Variants in NHS observed in about 807,000 individuals in gnomAD.
The protein encoded by NHS is NHS actin remodeling regulator.
In NHS, 5 loss-of-function variants were observed where a neutral mutation model predicts 72.5. That is an observed-to-expected ratio of 0.07 (90% CI 0.04 to 0.14). NHS has a LOEUF of 0.14. NHS is among the 10% of genes least tolerant of loss of function. The pLI, the probability that NHS is intolerant of heterozygous loss-of-function variation, is 1.00. For missense variants in NHS, 1,072 were observed against 1,355.7 expected (o/e 0.79, Z 3.29); for synonymous variants, 464 against 547.7 (o/e 0.85, Z 2.13).
At chrX:17,661,909 C>G (rs2065984492) in intron 1 of NHS, among the ~76,000 whole-genome samples, 1 of 111,971 alleles carries the variant, frequency 8.9e-6, no homozygotes, top group African/African-American at 3.3e-5. Context: ...ACTCACCTTG[C>G]CTCAACTCAG....
intron 1 of NHS, among the ~76,000 whole-genome samples, chrX:17,525,049 TCTGA>T (rs1273074869): frequency 8.9e-6 from 1 of 112,414 alleles, no homozygotes; most frequent in African/African-American, 3.2e-5. Context: ...CTCCTTGGAC[TCTGA>T]CTGACAGCTC....
chrX:17,559,970 C>A (rs2065404051), intron 1 of NHS, among the ~76,000 whole-genome samples: 1 of 111,700 alleles, frequency 9.0e-6, no homozygotes, highest in Non-Finnish European at 1.9e-5. Flanking sequence ...ACTCTTTACC[C>A]TGGAATCCTT....
intron 3 of NHS, among the ~76,000 whole-genome samples, chrX:17,711,733 A>G (rs2066330130): frequency 8.9e-6 from 1 of 111,734 alleles, no homozygotes; most frequent in African/African-American, 3.3e-5. Flanking sequence ...GTGAATGAGC[A>G]TGTACTCTTT....
chrX:17,447,056 TG>T (rs2064784445), intron 1 of NHS, among the ~76,000 whole-genome samples: 1 of 112,298 alleles, frequency 8.9e-6, no homozygotes, highest in African/African-American at 3.2e-5. Context: ...CGCATTTGAC[TG>T]CACCTGGCTT....
At chrX:17,715,892 A>G (rs938541843) in intron 3 of NHS, among the ~76,000 whole-genome samples, 1 of 111,611 alleles carries the variant, frequency 9.0e-6, no homozygotes, top group African/African-American at 3.3e-5. Flanking sequence ...TTAATATTAT[A>G]AACTTAAATA....
At chrX:17,440,060 G>A (rs1031391832) in intron 1 of NHS, among the ~76,000 whole-genome samples, 1 of 109,746 alleles carries the variant, frequency 9.1e-6, no homozygotes, top group Non-Finnish European at 1.9e-5. Context: ...AGGAGTTCGA[G>A]ACCAGCCTGG....
intron 1 of NHS, among the ~76,000 whole-genome samples, chrX:17,664,994 C>A (rs1041721790): frequency 1.4e-3 from 156 of 109,948 alleles, no homozygotes; most frequent in Non-Finnish European, 2.5e-3. Context: ...TCATTTCATT[C>A]TCTAATTTTT....
intron 1 of NHS, chrX:17,585,956 C>T (rs1017034934): frequency 1.8e-5 from 2 of 110,180 alleles, no homozygotes; most frequent in East Asian, 2.8e-4. Context: ...AGAAGAACCT[C>T]GAAGTCATCT....
At chrX:17,671,880 C>A (rs943896949) in intron 1 of NHS, among the ~76,000 whole-genome samples, 1 of 112,014 alleles carries the variant, frequency 8.9e-6, no homozygotes, top group African/African-American at 3.3e-5. Context: ...ATAAAAGCAT[C>A]CATTGACATG....
intron 1 of NHS, among the ~76,000 whole-genome samples, chrX:17,457,660 C>T (rs1221336213): frequency 8.9e-6 from 1 of 111,937 alleles, no homozygotes; most frequent in Non-Finnish European, 1.9e-5. Context: ...AATCCATAGC[C>T]AGCAGACCAG....
intron 1 of NHS, among the ~76,000 whole-genome samples, chrX:17,656,699 T>A (rs1269725307): frequency 1.8e-5 from 2 of 112,466 alleles, no homozygotes; most frequent in African/African-American, 6.5e-5. Context: ...CCTACCCTGA[T>A]CCCGGGTTCT....
chrX:17,467,275 CT>C (rs2064874774), intron 1 of NHS, among the ~76,000 whole-genome samples: 1 of 112,289 alleles, frequency 8.9e-6, no homozygotes, highest in African/African-American at 3.2e-5. Flanking sequence ...CAGAAATGTA[CT>C]TTTACTTACT....
At chrX:17,570,993 A>G (rs139113159) in intron 1 of NHS, among the ~76,000 whole-genome samples, 2 of 112,159 alleles carry the variant, frequency 1.8e-5, no homozygotes, top group African/African-American at 3.2e-5. Context: ...CATATGTTGA[A>G]CCAGCCTTGC....
chrX:17,548,610 A>ATG (rs2065306627), intron 1 of NHS, among the ~76,000 whole-genome samples: 1 of 112,076 alleles, frequency 8.9e-6, no homozygotes, highest in African/African-American at 3.2e-5. Context: ...ATGCACATAC[A>ATG]CATATAGACA....
chrX:17,673,700 C>T (rs1601829047), intron 1 of NHS, among the ~76,000 whole-genome samples: 3 of 111,805 alleles, frequency 2.7e-5, no homozygotes, highest in African/African-American at 9.7e-5. Context: ...CAGTGAACTA[C>T]TCCTGGGACC....
At chrX:17,448,546 T>C (rs1012742728) in intron 1 of NHS, among the ~76,000 whole-genome samples, 1 of 112,067 alleles carries the variant, frequency 8.9e-6, no homozygotes, top group African/African-American at 3.2e-5. Context: ...GCTCACATAG[T>C]GCCATCTCAG....
chrX:17,398,931 A>G (rs1264156966), intron 1 of NHS, among the ~76,000 whole-genome samples: 6 of 111,436 alleles, frequency 5.4e-5, no homozygotes, highest in South Asian at 3.8e-4. Context: ...CTTTTTTGCT[A>G]TCTACCACAA....
intron 1 of NHS, among the ~76,000 whole-genome samples, chrX:17,500,553 G>T (rs1289266070): frequency 8.9e-6 from 1 of 111,823 alleles, no homozygotes; most frequent in East Asian, 2.8e-4. Flanking sequence ...TCCTCCTGCG[G>T]TGTCTGATTG....
intron 1 of NHS, among the ~76,000 whole-genome samples, chrX:17,636,089 T>G (rs192194031): frequency 2.9e-4 from 32 of 112,116 alleles, no homozygotes; most frequent in Admixed American, 2.8e-3. Flanking sequence ...TTTCTTCTCC[T>G]CCAGCACTGC....
Sources: gnomAD v4.1 joint callset for allele counts (sites outside exome capture counted in the v4.1 genomes callset) on GRCh38, gnomAD v4.1.1 for gene constraint, MANE v1.5 for transcripts, NCBI Gene and HGNC (gene_info 2026-07-23, HGNC 2026-07-21) for gene names.